Variants in PDE4B observed in about 807,000 individuals in gnomAD.
PDE4B encodes the protein 3',5'-cyclic-AMP phosphodiesterase 4B.
A neutral mutation model predicts 82.2 loss-of-function variants in PDE4B; 20 were observed. The ratio of observed to expected loss-of-function variants is 0.24; its 90% CI spans 0.17 to 0.35. The LOEUF (loss-of-function observed/expected upper bound fraction) is 0.35, where lower values mean the gene tolerates loss of function less well. Ranked by LOEUF, PDE4B falls within the 10% of genes least tolerant of loss-of-function variation. The probability of loss-of-function intolerance (pLI) is 1.00; values close to 1 mark genes in which losing one functional copy is unlikely to be tolerated. For synonymous variants in PDE4B, 320 were observed against 318.9 expected, an observed-to-expected ratio of 1.00 and a Z score of -0.04; for missense variants, 655 against 907.2, an observed-to-expected ratio of 0.72 and a Z score of 3.57.
At chr1:66,096,520 A>ATG (rs1557557895) in intron 3 of PDE4B, among the ~76,000 whole-genome samples, 1 of 130,966 alleles carries the variant, frequency 7.6e-6, no homozygotes, top group African/African-American at 2.8e-5. Flanking sequence ...ATATATATAT[A>ATG]TATATATATA....
chr1:65,838,919 G>A (rs1646175313), intron 1 of PDE4B, among the ~76,000 whole-genome samples: 1 of 152,024 alleles, frequency 6.6e-6, no homozygotes, highest in African/African-American at 2.4e-5. Context: ...AGTTTCTGTG[G>A]AACCAAAAAT....
chr1:66,274,301 C>G (rs1208886489), intron 7 of PDE4B, among the ~76,000 whole-genome samples: 1 of 151,472 alleles, frequency 6.6e-6, no homozygotes, highest in Non-Finnish European at 1.5e-5. Context: ...GCTGGGATTA[C>G]AGGTATGCGT....
intron 3 of PDE4B, among the ~76,000 whole-genome samples, chr1:66,230,650 A>C (rs964863265): frequency 6.6e-6 from 1 of 152,244 alleles, no homozygotes; most frequent in African/African-American, 2.4e-5. Context: ...CAGACAAAAC[A>C]GAAAATTCTT....
chr1:66,185,000 C>T (rs1236003884), intron 3 of PDE4B, among the ~76,000 whole-genome samples: 3 of 152,106 alleles, frequency 2.0e-5, no homozygotes, highest in African/African-American at 7.2e-5. Flanking sequence ...TCCTCCCACC[C>T]CACAACAGGC....
At chr1:66,069,184 A>G (rs968677808) in intron 3 of PDE4B, among the ~76,000 whole-genome samples, 11 of 152,064 alleles carry the variant, frequency 7.2e-5, no homozygotes, top group African/African-American at 2.7e-4. Context: ...GAAGTGCATC[A>G]GCAAAGTCTG....
chr1:65,824,726 G>T (rs1245236338), intron 1 of PDE4B, among the ~76,000 whole-genome samples: 1 of 151,670 alleles, frequency 6.6e-6, no homozygotes, highest in Non-Finnish European at 1.5e-5. Flanking sequence ...GACAACCATT[G>T]CTGGCATTTT....
At chr1:66,087,896 A>G (rs1489732029) in intron 3 of PDE4B, among the ~76,000 whole-genome samples, 2 of 148,478 alleles carry the variant, frequency 1.3e-5, no homozygotes, top group Admixed American at 6.7e-5. Context: ...GAGGGATAGC[A>G]TTGGGAGATA....
chr1:66,232,812 T>C (rs966752129), intron 3 of PDE4B, among the ~76,000 whole-genome samples: 2 of 152,178 alleles, frequency 1.3e-5, no homozygotes, highest in African/African-American at 4.8e-5. Flanking sequence ...TTATGAAGTG[T>C]TGCGGGCCAA....
intron 3 of PDE4B, among the ~76,000 whole-genome samples, chr1:66,018,442 T>C (rs1464482014): frequency 6.6e-6 from 1 of 151,796 alleles, no homozygotes; most frequent in Non-Finnish European, 1.5e-5. Flanking sequence ...CAAAATAAAA[T>C]AAAAAAAGAG....
chr1:66,146,464 G>A (rs1646275308), intron 3 of PDE4B, among the ~76,000 whole-genome samples: 1 of 152,016 alleles, frequency 6.6e-6, no homozygotes, highest in African/African-American at 2.4e-5. Flanking sequence ...GATTACAGGC[G>A]TGAGCCACCG....
chr1:66,370,215 A>G (rs961590376), intron 16 of PDE4B, among the ~76,000 whole-genome samples: 1 of 151,662 alleles, frequency 6.6e-6, no homozygotes, highest in African/African-American at 2.4e-5. Context: ...AGTCTAATAT[A>G]CTGTAAAAAT....
At chr1:66,088,069 T>TAGCTGAGGAACCACAGCTTG (rs1553143803) in intron 3 of PDE4B, among the ~76,000 whole-genome samples, 1 of 151,932 alleles carries the variant, frequency 6.6e-6, no homozygotes, top group East Asian at 1.9e-4. Flanking sequence ...ATTCTGAGAC[T>TAGCTGAGGAACCACAGCTTG]AGCTGAGGAA....
chr1:66,017,981 G>A (rs1202491119), intron 3 of PDE4B, among the ~76,000 whole-genome samples: 2 of 152,112 alleles, frequency 1.3e-5, no homozygotes, highest in Non-Finnish European at 2.9e-5. Flanking sequence ...TGACACCTGG[G>A]TAACTGGCTA....
intron 3 of PDE4B, among the ~76,000 whole-genome samples, chr1:66,113,208 C>T (rs535438394): frequency 2.0e-5 from 3 of 152,338 alleles, no homozygotes; most frequent in African/African-American, 7.2e-5. Context: ...TCCAGATGTC[C>T]TGTGCTTTGA....
At chr1:66,114,406 T>C (rs756916404) in intron 3 of PDE4B, among the ~76,000 whole-genome samples, 10 of 152,126 alleles carry the variant, frequency 6.6e-5, no homozygotes, top group Non-Finnish European at 1.5e-4. Flanking sequence ...GCAAGAGATA[T>C]ATAAAGTACC....
At chr1:65,868,984 G>T (rs1646543743) in intron 1 of PDE4B, among the ~76,000 whole-genome samples, 1 of 152,160 alleles carries the variant, frequency 6.6e-6, no homozygotes, top group African/African-American at 2.4e-5. Context: ...GTGTCAAAAA[G>T]GTTGGGGACC....
intron 3 of PDE4B, among the ~76,000 whole-genome samples, chr1:66,055,800 C>T (rs1190743209): frequency 6.6e-6 from 1 of 152,072 alleles, no homozygotes; most frequent in South Asian, 2.1e-4. Flanking sequence ...ATAAATATAG[C>T]ACACTCTGAA....
chr1:66,205,591 G>A (rs970054921), intron 3 of PDE4B, among the ~76,000 whole-genome samples: 9 of 152,102 alleles, frequency 5.9e-5, no homozygotes, highest in Non-Finnish European at 8.8e-5. Flanking sequence ...TAAGAACTTT[G>A]CATTATCTTA....
rs531716899 is a variant in PDE4B, at chr1:65,960,267, C to A, written c.281+41432C>A. On this transcript the variant is annotated intron_variant, in intron 3 of 16. Coordinates refer to ENST00000341517, the MANE Select transcript of PDE4B (RefSeq NM_002600.4). ...CTTTTGTGTGGCAGCGCAGTAAATT[C>A]GCAGAACACAGTTCCAAGAAGCCCA... 3.3e-5 allele frequency among the ~76,000 whole-genome samples: 5 copies of A among 151,972 alleles called. No individual in the cohort carries two copies. In the East Asian group the frequency reaches 7.7e-4, roughly 24 times the overall value.
Sources: allele counts gnomAD v4.1 joint callset (sites outside exome capture counted in the v4.1 genomes callset), GRCh38; gene constraint gnomAD v4.1.1; transcripts MANE v1.5; gene names NCBI Gene and HGNC (gene_info 2026-07-23, HGNC 2026-07-21).